PIGG: variants seen among roughly 807,000 people sequenced by gnomAD.
The protein encoded by PIGG is phosphatidylinositol glycan anchor biosynthesis class G (EMM blood group), also known as GPI ethanolamine phosphate transferase 2, catalytic subunit.
A neutral mutation model predicts 83.2 loss-of-function variants in PIGG; 70 were observed. The observed-to-expected ratio is 0.84, with a 90% CI of 0.69 to 1.03. The LOEUF (loss-of-function observed/expected upper bound fraction) is 1.03. Among genes scored for constraint, PIGG ranks in the 50% least tolerant of loss-of-function variants. PIGG has a pLI of 0.00. For missense variants in PIGG, 1,257 were observed against 1,233.6 expected, an observed-to-expected ratio of 1.02 and a Z score of -0.28; for synonymous variants, 532 against 519.5, an observed-to-expected ratio of 1.02 and a Z score of -0.33.
At position 533,939 on chromosome 4, in the gene PIGG, G is replaced by A. The variant is rs1425024991; in HGVS notation, c.2693G>A (p.Trp898Ter). 2 of 1,614,076 alleles carry A rather than the reference G, an allele frequency of 1.2e-6. No individual in the cohort carries two copies. Among genetic ancestry groups the A allele is most frequent in the African/African-American group, 1.3e-5 (1 of 74,934 alleles). ...AFGTYAGPVL[W>*]ASHLVHFLSS... ...GGGACGTACGCAGGGCCTGTGCTGTGGGCCAGCCACTTAGTGCACTTCCTG... is the reference window on the plus strand; with the variant it reads ...GGGACGTACGCAGGGCCTGTGCTGTAGGCCAGCCACTTAGTGCACTTCCTG... The change falls in exon 12 of 13, where the codon TGG becomes TAG. Residue 898 changes from tryptophan to a stop codon, truncating the protein, a stop_gained. Transcript: ENST00000453061. LOFTEE classifies it high-confidence loss of function.
intron 5 of PIGG, among the ~76,000 whole-genome samples, chr4:513,375 G>A (rs1183210717): frequency 6.6e-6 from 1 of 152,150 alleles, no homozygotes; most frequent in African/African-American, 2.4e-5. Flanking sequence ...AAGCGGTTTT[G>A]GATTGTGTAG....
intron 4 of PIGG, among the ~76,000 whole-genome samples, chr4:508,290 T>C (rs1389609852): frequency 2.6e-5 from 4 of 152,136 alleles, no homozygotes; most frequent in Admixed American, 1.3e-4. Flanking sequence ...GGGCAGACCA[T>C]GTGGTCTGTG....
intron 11 of PIGG, chr4:532,869 C>G (rs183949340): frequency 1.2e-4 from 19 of 152,290 alleles, no homozygotes; most frequent in Admixed American, 1.2e-3. Flanking sequence ...AAAGATGGAG[C>G]GTGGGGAGGC....
chr4:535,444 C>T (rs1239303643), intron 12 of PIGG, among the ~76,000 whole-genome samples: 1 of 152,228 alleles, frequency 6.6e-6, no homozygotes, highest in East Asian at 1.9e-4. Context: ...CGGCCTCCTC[C>T]CGGGCAGGCG....
At chr4:534,578 A>C (rs1364678884) in intron 12 of PIGG, among the ~76,000 whole-genome samples, 1 of 152,216 alleles carries the variant, frequency 6.6e-6, no homozygotes, top group East Asian at 1.9e-4. Flanking sequence ...GTCGCTGAGA[A>C]GTCCCTTCAA....
intron 9 of PIGG, among the ~76,000 whole-genome samples, chr4:524,322 G>C (rs1252105177): frequency 6.6e-6 from 1 of 152,190 alleles, no homozygotes; most frequent in Admixed American, 6.5e-5. Context: ...TTCGTGTGTT[G>C]CTATAAAGAA....
chr4:528,164 T>A lies in PIGG; in HGVS notation c.2261+934T>A. 1 of 985,258 alleles carries A rather than the reference T, an allele frequency of 1.0e-6. No homozygotes were observed. Among genetic ancestry groups the A allele is most frequent in the Non-Finnish European group, 1.2e-6 (1 of 829,866 alleles). The allele number at this position is 985,258 out of a possible 1,614,324, so 61.0% of individuals were successfully genotyped here. On this transcript the variant is annotated intron_variant, in intron 10 of 12. Coordinates refer to ENST00000453061, the MANE Select transcript of PIGG (RefSeq NM_001127178.3). This position sits in a 1 kb window ranked among gnomAD's most constrained non-coding sequence, Gnocchi z 4.8. ...GGTCTTCTGGCTGTTAGGCAGCCTA[T>A]TTTCACAGAACAGAGAAGCATGTTG...
chr4:512,126 T>C (rs1315823994), intron 5 of PIGG, among the ~76,000 whole-genome samples: 3 of 152,306 alleles, frequency 2.0e-5, no homozygotes, highest in East Asian at 3.9e-4. Context: ...TAATCTCTAT[T>C]GATCTATCTT....
chr4:503,726 T>C (rs1379201139), intron 2 of PIGG, among the ~76,000 whole-genome samples: 1 of 152,208 alleles, frequency 6.6e-6, no homozygotes, highest in African/African-American at 2.4e-5. Flanking sequence ...AAAATGCTTG[T>C]GTTTTCCCTA....
At chr4:500,367 A>G (rs376489011) in intron 1 of PIGG, 29 bp from the exon 2 acceptor site, 4 of 1,548,576 alleles carry the variant, frequency 2.6e-6, no homozygotes, top group Non-Finnish European at 8.9e-7. Context: ...TTAGAGTTCA[A>G]TTTCCTTTTT....
rs557264549 is a variant in PIGG at position 506,001 on chromosome 4, G to C, written c.570+74G>C. Reference sequence around the variant, plus strand: ...ATAGAGCCTGGCATCCCATTACTTAGTGAGAGATGATACCATTTTATATTT... The same window carrying C: ...ATAGAGCCTGGCATCCCATTACTTACTGAGAGATGATACCATTTTATATTT... On this transcript the variant is annotated intron_variant, in intron 3 of 12. Transcript: ENST00000453061. The C allele has an allele frequency of 3.0e-6, 3 of 984,414 alleles. No homozygotes were observed. In the East Asian group the frequency reaches 7.6e-5, roughly 25 times the overall value. The allele number at this position is 984,414 out of a possible 1,614,324, so 61.0% of individuals were successfully genotyped here. A position where few individuals can be genotyped will look rare whatever the true frequency, so the allele number is the denominator to read the frequency against.
At chr4:501,136 A>G (rs1717556834) in intron 2 of PIGG, 1 of 456,320 alleles carries the variant, frequency 2.2e-6, no homozygotes, top group Non-Finnish European at 4.4e-6. Flanking sequence ...TGAAGTACAT[A>G]GTGCATTTCC....
chr4:536,821 A>T (rs1287825131), intron 12 of PIGG: 1 of 152,248 alleles, frequency 6.6e-6, no homozygotes, highest in Admixed American at 6.5e-5. Flanking sequence ...GTGATCAAGC[A>T]CCTGTTGGGT....
At chr4:509,472 T>A (rs1046357319) in intron 5 of PIGG, among the ~76,000 whole-genome samples, 2 of 152,172 alleles carry the variant, frequency 1.3e-5, no homozygotes, top group African/African-American at 2.4e-5. Flanking sequence ...GCCTATGCAC[T>A]CTGCCCTCGC....
At chr4:522,436 G>A (rs563140276) in intron 8 of PIGG, 37 of 208,452 alleles carry the variant, frequency 1.8e-4, no homozygotes, top group African/African-American at 7.7e-4. Flanking sequence ...CAAGGCGGAC[G>A]TTTTCTGTTG....
intron 10 of PIGG, chr4:527,874 A>G: frequency 3.0e-6 from 3 of 985,384 alleles, no homozygotes; most frequent in Non-Finnish European, 3.6e-6. Flanking sequence ...AGCTTGTAAC[A>G]TGTGGGTGAC....
Position 499,304 on chromosome 4 carries a change from G to A in PIGG, c.-32G>A, listed in dbSNP as rs1716616977. ...GCAGCAGGGCGAGGCTCCAGGTGGGGTCGGTTCCGCATCCAGCCTAGCGTG... is the reference window on the plus strand; with the variant it reads ...GCAGCAGGGCGAGGCTCCAGGTGGGATCGGTTCCGCATCCAGCCTAGCGTG... On this transcript the variant is annotated 5_prime_UTR_variant, in exon 1 of 13. Coordinates refer to ENST00000453061, the MANE Select transcript of PIGG (RefSeq NM_001127178.3). 1.3e-6 allele frequency: 2 copies of A among 1,598,936 alleles called. No homozygotes were observed. The highest frequency in any genetic ancestry group is 1.3e-5 in the African/African-American group (1 of 74,840).
At chr4:499,610 T>TC in intron 1 of PIGG, 121 bp downstream of exon 1, 3 of 1,425,660 alleles carry the variant, frequency 2.1e-6, no homozygotes, top group Non-Finnish European at 2.7e-6. Flanking sequence ...TCCATTATGG[T>TC]CCCCACCTCA....
chr4:506,857 T>C (rs953835744), intron 3 of PIGG: 28 of 454,260 alleles, frequency 6.2e-5, no homozygotes, highest in Non-Finnish European at 1.1e-4. Context: ...GCTGGTTACT[T>C]TAACGCTGGG....
Sources: allele counts gnomAD v4.1 joint callset (sites outside exome capture counted in the v4.1 genomes callset), GRCh38; gene constraint gnomAD v4.1.1; non-coding constraint Gnocchi (gnomAD v3.1); transcripts MANE v1.5; gene names NCBI Gene and HGNC (gene_info 2026-07-23, HGNC 2026-07-21).